TLN2: variants seen among roughly 807,000 people sequenced by gnomAD.
TLN2 encodes talin-2.
A neutral mutation model predicts 294.7 loss-of-function variants in TLN2; 118 were observed. The ratio of observed to expected loss-of-function variants is 0.40; its 90% CI spans 0.34 to 0.47. TLN2 has a LOEUF of 0.47. TLN2 is among the 20% of genes least tolerant of loss of function. The probability of loss-of-function intolerance (pLI) is 0.84; values close to 1 mark genes in which losing one functional copy is unlikely to be tolerated. For synonymous variants in TLN2, 1,431 were observed against 1,304.5 expected, an observed-to-expected ratio of 1.10 and a Z score of -2.09; for missense variants, 3,083 against 3,282.2, an observed-to-expected ratio of 0.94 and a Z score of 1.48.
chr15:62,836,209 C>A, intron 57 of TLN2, 136 bp downstream of exon 57: 2 of 1,219,554 alleles, frequency 1.6e-6, no homozygotes, highest in South Asian at 1.4e-5. Flanking sequence ...CCAGCCTCAT[C>A]TACTGCGTGC....
intron 52 of TLN2, among the ~76,000 whole-genome samples, chr15:62,816,644 A>G (rs1226173470): frequency 6.6e-6 from 1 of 152,182 alleles, no homozygotes; most frequent in Non-Finnish European, 1.5e-5. Context: ...TATGTGAACA[A>G]ACATCCTTCC....
At chr15:62,674,629 G>C (rs2055932089) in intron 10 of TLN2, among the ~76,000 whole-genome samples, 1 of 150,862 alleles carries the variant, frequency 6.6e-6, no homozygotes, top group African/African-American at 2.4e-5. Flanking sequence ...AGCCTACCAA[G>C]TAGCTGGGAT....
At chr15:62,477,273 A>G (rs1217673551) in intron 1 of TLN2, among the ~76,000 whole-genome samples, 2 of 152,248 alleles carry the variant, frequency 1.3e-5, no homozygotes, top group African/African-American at 4.8e-5. Context: ...AACAAGATAC[A>G]GGTGATGCTG....
At chr15:62,442,492 CAGAAAAAAAAA>C (rs1463853126) in intron 1 of TLN2, among the ~76,000 whole-genome samples, 2 of 65,562 alleles carry the variant, frequency 3.1e-5, no homozygotes, top group Non-Finnish European at 5.7e-5. Context: ...GACTCTGTCT[CAGAAAAAAAAA>C]AAAAAAAAAA....
rs2043132210 is a variant in TLN2, at chr15:62,563,285, T to C, written c.-237-26402T>C. On this transcript the variant is annotated intron_variant, in intron 1 of 58. Coordinates refer to ENST00000636159, the MANE Select transcript of TLN2 (RefSeq NM_015059.3). ...ATGTTTTTTATTTTTTGATTATGGC[T>C]GTTCTTGCAGGAGTAAAGTGGTATT... Among the ~76,000 whole-genome samples, 3 of 152,296 alleles carry C rather than the reference T, an allele frequency of 2.0e-5. No homozygotes were observed. In the South Asian group the frequency reaches 6.2e-4, roughly 32 times the overall value.
chr15:62,717,454 G>A lies in TLN2; in HGVS notation c.2764-122G>A, dbSNP rs2059851228. The A allele has an allele frequency of 7.5e-6, 4 of 535,792 alleles. No individual in the cohort carries two copies. In the African/African-American group the frequency reaches 7.7e-5, roughly 10 times the overall value. The allele number at this position is 535,792 out of a possible 1,614,324, so 33.2% of individuals were successfully genotyped here. On this transcript the variant is annotated intron_variant, in intron 23 of 58. Transcript: ENST00000636159. ...GTCATCACTGGTTTTAAAAGGCAAAGCCTGCTCTTTGGAGTTCTTTTAGAG... is the reference window on the plus strand; with the variant it reads ...GTCATCACTGGTTTTAAAAGGCAAAACCTGCTCTTTGGAGTTCTTTTAGAG...
At chr15:62,428,318 A>G (rs2140284083) in intron 1 of TLN2, among the ~76,000 whole-genome samples, 1 of 152,326 alleles carries the variant, frequency 6.6e-6, no homozygotes, top group South Asian at 2.1e-4. Flanking sequence ...CAGTTAATGC[A>G]CACAGTAAAG....
chr15:62,505,462 C>A (rs2140439424), intron 1 of TLN2, among the ~76,000 whole-genome samples: 1 of 152,280 alleles, frequency 6.6e-6, no homozygotes, highest in South Asian at 2.1e-4. Context: ...AGCAAGGAAT[C>A]CTTCTATTTA....
At chr15:62,511,699 A>T (rs1482371816) in intron 1 of TLN2, among the ~76,000 whole-genome samples, 1 of 151,576 alleles carries the variant, frequency 6.6e-6, no homozygotes, top group East Asian at 1.9e-4. Flanking sequence ...AATTTTGAGG[A>T]TTGACCCCAA....
chr15:62,617,635 G>C (rs2048419972), intron 2 of TLN2, among the ~76,000 whole-genome samples: 1 of 152,094 alleles, frequency 6.6e-6, no homozygotes, highest in African/African-American at 2.4e-5. Flanking sequence ...CTTTCACCCT[G>C]CACCTCTGAC....
At chr15:62,704,330 C>T (rs1217687300) in intron 19 of TLN2, among the ~76,000 whole-genome samples, 6 of 152,186 alleles carry the variant, frequency 3.9e-5, no homozygotes, top group South Asian at 2.1e-4. Context: ...ACCACCTCTT[C>T]ATTTGGCAAT....
At chr15:62,831,329 C>T (rs1439621861) in intron 54 of TLN2, 2 of 152,060 alleles carry the variant, frequency 1.3e-5, no homozygotes, top group Admixed American at 6.5e-5. Flanking sequence ...GCCTCCGTTT[C>T]CTCATCTGCA....
At chr15:62,442,573 G>T (rs1375076081) in intron 1 of TLN2, among the ~76,000 whole-genome samples, 1 of 151,102 alleles carries the variant, frequency 6.6e-6, no homozygotes, top group Non-Finnish European at 1.5e-5. Context: ...CTGCTTGGTT[G>T]CTGTGTGAGG....
intron 1 of TLN2, among the ~76,000 whole-genome samples, chr15:62,576,660 TC>T (rs1274045367): frequency 0.026 from 2,685 of 105,288 alleles, 89 homozygotes; most frequent in African/African-American, 0.09. Context: ...ATGGAATGAT[TC>T]CCCCCCCCGC....
intron 52 of TLN2, among the ~76,000 whole-genome samples, chr15:62,816,030 C>T (rs1280969379): frequency 6.6e-6 from 1 of 152,218 alleles, no homozygotes; most frequent in Non-Finnish European, 1.5e-5. Context: ...CACAGACACA[C>T]AGGTTGATCC....
At chr15:62,417,576 TC>T (rs1466903807) in intron 1 of TLN2, among the ~76,000 whole-genome samples, 1 of 152,232 alleles carries the variant, frequency 6.6e-6, no homozygotes, top group Non-Finnish European at 1.5e-5. Flanking sequence ...AAAATTGTTT[TC>T]CCTGCCTGAG....
At chr15:62,619,170 C>G (rs1391061995) in intron 3 of TLN2, among the ~76,000 whole-genome samples, 1 of 151,688 alleles carries the variant, frequency 6.6e-6, no homozygotes, top group African/African-American at 2.4e-5. Context: ...AGAAATCTTT[C>G]TTGGATTGGA....
chr15:62,601,698 A>G (rs951646943), intron 2 of TLN2, among the ~76,000 whole-genome samples: 2 of 152,216 alleles, frequency 1.3e-5, no homozygotes, highest in African/African-American at 4.8e-5. Flanking sequence ...TATAAAGAGG[A>G]ACTTCATAAC....
intron 20 of TLN2, among the ~76,000 whole-genome samples, chr15:62,708,286 C>A (rs116119610): frequency 0.013 from 2,040 of 152,218 alleles, 44 homozygotes; most frequent in South Asian, 0.058. Flanking sequence ...TGGGACATGT[C>A]AAATCACAAG....
Sources: allele counts gnomAD v4.1 joint callset (sites outside exome capture counted in the v4.1 genomes callset), GRCh38; gene constraint gnomAD v4.1.1; transcripts MANE v1.5; gene names NCBI Gene and HGNC (gene_info 2026-07-23, HGNC 2026-07-21).